PTPRD: variants seen among roughly 807,000 people sequenced by gnomAD.
PTPRD encodes the protein receptor-type tyrosine-protein phosphatase delta.
In PTPRD, 34 loss-of-function variants were observed where a neutral mutation model predicts 214.5. The ratio of observed to expected loss-of-function variants is 0.16; its 90% CI spans 0.12 to 0.21. PTPRD has a LOEUF of 0.21. Ranked by LOEUF, PTPRD falls within the 10% of genes least tolerant of loss-of-function variation. The probability of loss-of-function intolerance (pLI) is 1.00; values close to 1 mark genes in which losing one functional copy is unlikely to be tolerated. For synonymous variants in PTPRD, 1,128 were observed against 845.7 expected (o/e 1.33, Z -5.79); for missense variants, 2,545 against 2,398.7 (o/e 1.06, Z -1.27).
At chr9:9,109,768 T>G (rs2099803492) in intron 10 of PTPRD, among the ~76,000 whole-genome samples, 1 of 152,174 alleles carries the variant, frequency 6.6e-6, no homozygotes, top group African/African-American at 2.4e-5. Context: ...TAGAGTTGTT[T>G]AATATCAACA....
chr9:10,166,783 C>T (rs1046913498), intron 3 of PTPRD, among the ~76,000 whole-genome samples: 5 of 152,050 alleles, frequency 3.3e-5, no homozygotes, highest in African/African-American at 9.7e-5. Flanking sequence ...GATAAGGCAT[C>T]AAGTTTTTCC....
intron 11 of PTPRD, among the ~76,000 whole-genome samples, chr9:8,843,505 T>G (rs533283203): frequency 6.6e-6 from 1 of 152,182 alleles, no homozygotes; most frequent in Admixed American, 6.5e-5. Context: ...CGGGAAACGT[T>G]CTATGTCGGT....
chr9:9,924,678 T>C (rs2083649751), intron 5 of PTPRD, among the ~76,000 whole-genome samples: 1 of 152,102 alleles, frequency 6.6e-6, no homozygotes, highest in Non-Finnish European at 1.5e-5. Flanking sequence ...AACCATCTCC[T>C]ATCACAAGGA....
intron 10 of PTPRD, among the ~76,000 whole-genome samples, chr9:9,026,817 T>G (rs1222890012): frequency 6.6e-6 from 1 of 151,888 alleles, no homozygotes; most frequent in African/African-American, 2.4e-5. Flanking sequence ...TTTCTCATTC[T>G]CTACCGACCC....
intron 5 of PTPRD, chr9:9,799,694 G>A (rs915850940): frequency 6.6e-6 from 1 of 152,138 alleles, no homozygotes; most frequent in Non-Finnish European, 1.5e-5. Flanking sequence ...AAGCATTAGA[G>A]GAAGGTTAGG....
chr9:10,585,819 A>G (rs2073718434), intron 2 of PTPRD, among the ~76,000 whole-genome samples: 1 of 151,960 alleles, frequency 6.6e-6, no homozygotes, highest in Non-Finnish European at 1.5e-5. Context: ...ATTTATTTCC[A>G]GTTTTGATAT....
rs1414927629 is a variant in PTPRD, at chr9:10,180,074, C to T, written c.-544-146284G>A. 5.9e-5 allele frequency among the ~76,000 whole-genome samples: 9 copies of T among 152,072 alleles called. No individual in the cohort carries two copies. The South Asian group carries it at 1.9e-3, about 32-fold the overall frequency. ...ACTTACAATTTTTAACTTATTAAAA[C>T]AGAATCACAGGTTAACCTTACATCA... On this transcript the variant is annotated intron_variant, in intron 3 of 45. Transcript: ENST00000381196.
At chr9:9,358,215 T>C (rs2054612484) in intron 9 of PTPRD, among the ~76,000 whole-genome samples, 1 of 151,254 alleles carries the variant, frequency 6.6e-6, no homozygotes, top group Non-Finnish European at 1.5e-5. Context: ...ATATAGGCAA[T>C]TTTTTCTTAT....
chr9:10,217,791 T>G (rs958138545), intron 3 of PTPRD, among the ~76,000 whole-genome samples: 2 of 151,982 alleles, frequency 1.3e-5, no homozygotes, highest in South Asian at 2.1e-4. Context: ...AGATCTCCAT[T>G]TAGGAAGGAG....
intron 11 of PTPRD, among the ~76,000 whole-genome samples, chr9:8,756,901 G>T (rs937529991): frequency 2.0e-5 from 3 of 152,150 alleles, no homozygotes; most frequent in African/African-American, 7.2e-5. Flanking sequence ...AGCACCTTGG[G>T]AGGCCGAGGT....
chr9:9,821,533 C>G (rs2050733298), intron 5 of PTPRD, among the ~76,000 whole-genome samples: 1 of 152,106 alleles, frequency 6.6e-6, no homozygotes, highest in Non-Finnish European at 1.5e-5. Context: ...ATCAGAGAGG[C>G]TGAAGAGAAA....
chr9:8,577,433 T>G (rs914065675), intron 14 of PTPRD, among the ~76,000 whole-genome samples: 1 of 152,062 alleles, frequency 6.6e-6, no homozygotes. Flanking sequence ...AATTGTATTT[T>G]TAGTACAGAC....
chr9:10,536,348 C>T (rs1382297693), intron 2 of PTPRD, among the ~76,000 whole-genome samples: 1 of 152,102 alleles, frequency 6.6e-6, no homozygotes, highest in Non-Finnish European at 1.5e-5. Context: ...CTTCTAATTT[C>T]TGCCTTAAAG....
chr9:8,641,441 C>G (rs1311171479), intron 12 of PTPRD, among the ~76,000 whole-genome samples: 1 of 148,606 alleles, frequency 6.7e-6, no homozygotes, highest in Admixed American at 6.6e-5. Context: ...GCTGCCAATG[C>G]TGTACTTTGC....
chr9:8,604,889 A>G (rs1451810937), intron 14 of PTPRD, among the ~76,000 whole-genome samples: 1 of 152,210 alleles, frequency 6.6e-6, no homozygotes, highest in Non-Finnish European at 1.5e-5. Flanking sequence ...GCCTGAGATT[A>G]CTGCAATACA....
chr9:8,426,765 G>A (rs927334129), intron 35 of PTPRD, among the ~76,000 whole-genome samples: 13 of 150,006 alleles, frequency 8.7e-5, no homozygotes, highest in Non-Finnish European at 1.2e-4. Flanking sequence ...TGAAAGATAC[G>A]AAGTTTAATG....
chr9:9,337,490 G>A (rs1459383507), intron 9 of PTPRD, among the ~76,000 whole-genome samples: 1 of 152,072 alleles, frequency 6.6e-6, no homozygotes, highest in Admixed American at 6.6e-5. Context: ...ATATAGCCAG[G>A]GGATGATTTT....
At chr9:10,182,074 T>C (rs1005604995) in intron 3 of PTPRD, among the ~76,000 whole-genome samples, 2 of 141,284 alleles carry the variant, frequency 1.4e-5, no homozygotes, top group African/African-American at 5.3e-5. Context: ...GCTAATACGG[T>C]GAAACCTGTC....
At chr9:10,153,859 A>G (rs915625601) in intron 3 of PTPRD, among the ~76,000 whole-genome samples, 1 of 152,010 alleles carries the variant, frequency 6.6e-6, no homozygotes, top group Non-Finnish European at 1.5e-5. Flanking sequence ...TATATATTGT[A>G]CCACATTTTT....
Sources: allele counts gnomAD v4.1 joint callset (sites outside exome capture counted in the v4.1 genomes callset), GRCh38; gene constraint gnomAD v4.1.1; transcripts MANE v1.5; gene names NCBI Gene and HGNC (gene_info 2026-07-23, HGNC 2026-07-21).